RASAL2: variants seen among roughly 807,000 people sequenced by gnomAD.
RASAL2 encodes the protein RAS protein activator like 2, also known as ras GTPase-activating protein nGAP.
Under a neutral mutation model 128.9 loss-of-function variants are expected in RASAL2, and 58 were observed. That is an observed-to-expected ratio of 0.45 (90% CI 0.36 to 0.56). The LOEUF (loss-of-function observed/expected upper bound fraction) is 0.56. RASAL2 is among the 20% of genes least tolerant of loss of function. RASAL2 has a pLI of 0.00. For synonymous variants in RASAL2, 561 were observed against 580.8 expected (o/e 0.97, Z 0.49); for missense variants, 1,360 against 1,601.6 (o/e 0.85, Z 2.57).
chr1:178,109,799 A>G (rs1339287232), intron 1 of RASAL2, among the ~76,000 whole-genome samples: 1 of 152,220 alleles, frequency 6.6e-6, no homozygotes, highest in East Asian at 1.9e-4. Context: ...AGGTGGGAGA[A>G]TCTCTTGAGG....
intron 5 of RASAL2, among the ~76,000 whole-genome samples, chr1:178,427,474 A>G (rs138152576): frequency 5.1e-4 from 77 of 152,276 alleles, no homozygotes; most frequent in African/African-American, 1.4e-3. Flanking sequence ...TAAGTAGTCT[A>G]CTTTTTCTTT....
At chr1:178,428,051 T>G (rs1675638959) in intron 5 of RASAL2, among the ~76,000 whole-genome samples, 1 of 152,038 alleles carries the variant, frequency 6.6e-6, no homozygotes, top group Non-Finnish European at 1.5e-5. Context: ...GGCTTTTTTT[T>G]TTTTTTACAC....
chr1:178,270,627 CTT>C (rs34462041), intron 1 of RASAL2, among the ~76,000 whole-genome samples: 38 of 138,432 alleles, frequency 2.7e-4, no homozygotes, highest in South Asian at 6.9e-4. Flanking sequence ...CTGTGTCTCT[CTT>C]TTTTTTTTTT....
At chr1:178,324,316 A>T (rs1300378382) in intron 3 of RASAL2, among the ~76,000 whole-genome samples, 1 of 151,838 alleles carries the variant, frequency 6.6e-6, no homozygotes, top group Non-Finnish European at 1.5e-5. Context: ...ACTACTTGGG[A>T]GGCTAAGGTG....
chr1:178,251,973 A>G (rs1665074510), intron 1 of RASAL2, among the ~76,000 whole-genome samples: 1 of 152,188 alleles, frequency 6.6e-6, no homozygotes, highest in South Asian at 2.1e-4. Flanking sequence ...CAGAAAAGAT[A>G]TACACATAAA....
chr1:178,409,200 C>A (rs1244841110), intron 4 of RASAL2, among the ~76,000 whole-genome samples: 5 of 152,122 alleles, frequency 3.3e-5, no homozygotes, highest in African/African-American at 1.2e-4. Context: ...TGAGTGAGTT[C>A]TCAGATGATC....
At chr1:178,184,696 A>C (rs1662229934) in intron 1 of RASAL2, among the ~76,000 whole-genome samples, 1 of 151,990 alleles carries the variant, frequency 6.6e-6, no homozygotes, top group Non-Finnish European at 1.5e-5. Flanking sequence ...CTTTGTAGAT[A>C]CTATGCTCTC....
intron 7 of RASAL2, among the ~76,000 whole-genome samples, chr1:178,441,997 G>A (rs1470828316): frequency 6.6e-6 from 1 of 151,974 alleles, no homozygotes; most frequent in Non-Finnish European, 1.5e-5. Context: ...GAGCAAGCGA[G>A]AGAGAGAGTG....
intron 1 of RASAL2, chr1:178,123,123 A>C (rs1237309997): frequency 6.6e-6 from 1 of 152,158 alleles, no homozygotes; most frequent in Non-Finnish European, 1.5e-5. Flanking sequence ...TCCTTCACCC[A>C]TCTCTCACCA....
chr1:178,273,023 C>A (rs1666329882), intron 1 of RASAL2, among the ~76,000 whole-genome samples: 1 of 151,964 alleles, frequency 6.6e-6, no homozygotes, highest in African/African-American at 2.4e-5. Flanking sequence ...ACTAAAAGAA[C>A]CCTGCACGTG....
intron 1 of RASAL2, among the ~76,000 whole-genome samples, chr1:178,154,375 C>G (rs1661012584): frequency 6.6e-6 from 1 of 151,902 alleles, no homozygotes; most frequent in Non-Finnish European, 1.5e-5. Flanking sequence ...TGTTGAACTC[C>G]CGGGCTCAAG....
At chr1:178,103,583 T>A (rs577730887) in intron 1 of RASAL2, among the ~76,000 whole-genome samples, 62 of 152,272 alleles carry the variant, frequency 4.1e-4, no homozygotes, top group Admixed American at 1.1e-3. Context: ...TAATTTTTTT[T>A]AATATCTTTT....
At chr1:178,156,302 C>T (rs1048532373) in intron 1 of RASAL2, among the ~76,000 whole-genome samples, 1 of 152,150 alleles carries the variant, frequency 6.6e-6, no homozygotes, top group African/African-American at 2.4e-5. Context: ...ATTTATTAAA[C>T]TTTATATGTT....
At position 178,146,711 on chromosome 1, in the gene RASAL2, A is replaced by G. The variant is rs139938297; in HGVS notation, c.202+52017A>G. Reference sequence around the variant, plus strand: ...ATAATGAATTAACATGTAGGTGGCCATGGGAAGGGAATGTTATGAATGGAC... The same window carrying G: ...ATAATGAATTAACATGTAGGTGGCCGTGGGAAGGGAATGTTATGAATGGAC... On this transcript the variant is annotated intron_variant, in intron 1 of 17. Coordinates refer to ENST00000367649, the MANE Select transcript of RASAL2 (RefSeq NM_170692.4). Among the ~76,000 whole-genome samples, 13 of 152,366 alleles carry G rather than the reference A, an allele frequency of 8.5e-5. No individual in the cohort carries two copies. The East Asian group carries it at 1.9e-3, about 23-fold the overall frequency.
At chr1:178,131,672 A>T (rs552217460) in intron 1 of RASAL2, among the ~76,000 whole-genome samples, 1 of 152,136 alleles carries the variant, frequency 6.6e-6, no homozygotes, top group Non-Finnish European at 1.5e-5. Flanking sequence ...TTATTTCCTT[A>T]TCATGCACAA....
intron 11 of RASAL2, among the ~76,000 whole-genome samples, chr1:178,454,024 GAGA>G (rs1677581972): frequency 6.6e-6 from 1 of 152,026 alleles, no homozygotes; most frequent in Admixed American, 6.6e-5. Flanking sequence ...AGGCAAAGGA[GAGA>G]AGTTTTTCTC....
chr1:178,326,415 A>C (rs1386989795), intron 3 of RASAL2, among the ~76,000 whole-genome samples: 1 of 152,214 alleles, frequency 6.6e-6, no homozygotes, highest in Non-Finnish European at 1.5e-5. Context: ...GTCACCTTTT[A>C]GTATGTATGT....
In RASAL2 at chr1:178,476,076, AG is replaced by A. The variant is rs780857325; in HGVS notation, c.*2839del. ...TAGGTAAATAACTTTGTTTGCTGGGAGGAGGTACATGGCTGAAGAGAGGCAA... is the reference window on the plus strand; with the variant it reads ...TAGGTAAATAACTTTGTTTGCTGGGAGAGGTACATGGCTGAAGAGAGGCAA... On this transcript the variant is annotated 3_prime_UTR_variant, in exon 18 of 18. Coordinates refer to ENST00000367649, the MANE Select transcript of RASAL2 (RefSeq NM_170692.4). 5.3e-5 allele frequency: 8 copies of A among 152,178 alleles called. No homozygotes were observed. The highest frequency in any genetic ancestry group is 7.3e-5 in the Non-Finnish European group (5 of 68,032). The allele number at this position is 152,178 out of a possible 1,614,324, so 9.4% of individuals were successfully genotyped here.
chr1:178,177,347 G>A (rs1454508324), intron 1 of RASAL2, among the ~76,000 whole-genome samples: 2 of 152,142 alleles, frequency 1.3e-5, no homozygotes, highest in Non-Finnish European at 2.9e-5. Context: ...AGTAATCTAT[G>A]TATATAATTC....
Sources: gnomAD v4.1 joint callset for allele counts (sites outside exome capture counted in the v4.1 genomes callset) on GRCh38, gnomAD v4.1.1 for gene constraint, MANE v1.5 for transcripts, NCBI Gene and HGNC (gene_info 2026-07-23, HGNC 2026-07-21) for gene names.